The following RNF220 variants were observed in gnomAD, a reference collection of about 807,000 sequenced individuals.
RNF220 encodes the protein ring finger protein 220.
RNF220 carries 7 observed loss-of-function variants against 67.1 expected under a neutral mutation model. The observed-to-expected ratio is 0.10, with a 90% CI of 0.06 to 0.20. The LOEUF is 0.20. Ranked by LOEUF, RNF220 falls within the 10% of genes least tolerant of loss-of-function variation. RNF220 has a pLI of 1.00. For missense variants in RNF220, 565 were observed against 740.3 expected (o/e 0.76, Z 2.75); for synonymous variants, 270 against 283.2 (o/e 0.95, Z 0.47).
chr1:44,588,337 GC>G (rs1665856765), intron 2 of RNF220, among the ~76,000 whole-genome samples: 1 of 152,224 alleles, frequency 6.6e-6, no homozygotes, highest in African/African-American at 2.4e-5. Flanking sequence ...GCCAAGACAG[GC>G]CTGTCCTGCA....
At chr1:44,516,611 C>A (rs148852435) in intron 2 of RNF220, among the ~76,000 whole-genome samples, 45 of 151,694 alleles carry the variant, frequency 3.0e-4, no homozygotes, top group African/African-American at 1.0e-3. Context: ...GATCGAAGAA[C>A]CACCAAGAGA....
chr1:44,611,788 C>T (rs898811373), intron 2 of RNF220, among the ~76,000 whole-genome samples: 3 of 152,178 alleles, frequency 2.0e-5, no homozygotes, highest in African/African-American at 7.2e-5. Flanking sequence ...TATCTCTGAG[C>T]TCCAGTTTCT....
intron 2 of RNF220, among the ~76,000 whole-genome samples, chr1:44,603,384 C>T (rs1667064153): frequency 6.6e-6 from 1 of 152,226 alleles, no homozygotes; most frequent in African/African-American, 2.4e-5. Flanking sequence ...CCCCGGGCTA[C>T]GGTGGGCCAG....
chr1:44,494,892 C>T lies in RNF220; in HGVS notation c.625+82170C>T, dbSNP rs967204632. Among the ~76,000 whole-genome samples the T allele has an allele frequency of 3.3e-5, 5 of 152,228 alleles. 1 individual carries two copies. Among genetic ancestry groups the T allele is most frequent in the African/African-American group, 7.2e-5 (3 of 41,518 alleles). On this transcript the variant is annotated intron_variant, in intron 2 of 14. Transcript: ENST00000361799. ...ACTTCACAATGAAATTTCTAAGATG[C>T]GTGCCTGGGAGTAATGAATAGCACC...
rs115857065 is a variant in RNF220, at chr1:44,477,721, T to C, written c.625+64999T>C. ...TTAGGCTGAATAGACAGTAGCTACC[T>C]GGGGAGAGCTCTTCTCTCCAGGAGG... On this transcript the variant is annotated intron_variant, in intron 2 of 14. Transcript: ENST00000361799. Among the ~76,000 whole-genome samples the C allele has an allele frequency of 5.1e-3, 773 of 152,314 alleles. 11 individuals are homozygous for C. Among genetic ancestry groups the C allele is most frequent in the African/African-American group, 0.017 (727 of 41,574 alleles).
At chr1:44,627,760 G>C (rs1222951268) in intron 5 of RNF220, among the ~76,000 whole-genome samples, 1 of 152,234 alleles carries the variant, frequency 6.6e-6, no homozygotes, top group Non-Finnish European at 1.5e-5. Context: ...AGACAGGGCT[G>C]CAGGGACCTG....
intron 6 of RNF220, among the ~76,000 whole-genome samples, chr1:44,633,472 C>T (rs1330401833): frequency 2.0e-5 from 3 of 152,234 alleles, no homozygotes; most frequent in Non-Finnish European, 4.4e-5. Flanking sequence ...CCCTACCACA[C>T]TTTGGTAAGC....
intron 5 of RNF220, among the ~76,000 whole-genome samples, chr1:44,631,500 T>C (rs1443212969): frequency 2.0e-5 from 3 of 152,176 alleles, no homozygotes; most frequent in Non-Finnish European, 4.4e-5. Flanking sequence ...ATGTTGGCCA[T>C]GTTGGCCGTG....
chr1:44,550,905 T>C (rs1424427779), intron 2 of RNF220, among the ~76,000 whole-genome samples: 2 of 152,140 alleles, frequency 1.3e-5, no homozygotes, highest in African/African-American at 4.8e-5. Context: ...TCTGGTCTCC[T>C]AGTGTCACAT....
chr1:44,509,072 T>TA (rs1658705006), intron 2 of RNF220, among the ~76,000 whole-genome samples: 1 of 152,222 alleles, frequency 6.6e-6, no homozygotes, highest in Non-Finnish European at 1.5e-5. Context: ...GTAGGGTTTC[T>TA]TAATGAAATT....
intron 2 of RNF220, among the ~76,000 whole-genome samples, chr1:44,542,723 C>T (rs1558027022): frequency 6.6e-6 from 1 of 152,210 alleles, no homozygotes; most frequent in Non-Finnish European, 1.5e-5. Context: ...TGCCCCACCA[C>T]CTCTCATTTA....
intron 2 of RNF220, among the ~76,000 whole-genome samples, chr1:44,450,318 T>A (rs1008772762): frequency 7.9e-5 from 12 of 152,198 alleles, no homozygotes; most frequent in Non-Finnish European, 1.3e-4. Flanking sequence ...TGGGTTTTTT[T>A]AATTGGTTTT....
chr1:44,490,579 A>G (rs750134210), intron 2 of RNF220, among the ~76,000 whole-genome samples: 2 of 152,150 alleles, frequency 1.3e-5, no homozygotes, highest in Non-Finnish European at 2.9e-5. Context: ...AACTTATGAC[A>G]TACAGCTAAA....
At chr1:44,573,379 G>C (rs964893050) in intron 2 of RNF220, among the ~76,000 whole-genome samples, 3 of 152,198 alleles carry the variant, frequency 2.0e-5, no homozygotes, top group African/African-American at 7.2e-5. Context: ...GAGATGTCAG[G>C]ATCAGGACAG....
chr1:44,636,274 AC>A, intron 8 of RNF220, 112 bp downstream of exon 8: 1 of 1,415,336 alleles, frequency 7.1e-7, no homozygotes, highest in Non-Finnish European at 9.9e-7. Context: ...CATCCGTTCC[AC>A]CACGTGGGGA....
chr1:44,531,468 G>A (rs1413376647), intron 2 of RNF220, among the ~76,000 whole-genome samples: 3 of 152,194 alleles, frequency 2.0e-5, no homozygotes, highest in Admixed American at 2.0e-4. Flanking sequence ...TCTCTCTGAT[G>A]TGTGTCCAAA....
At chr1:44,635,690 C>T (rs1204689771) in intron 7 of RNF220, 102 bp downstream of exon 7, 1 of 1,581,630 alleles carries the variant, frequency 6.3e-7, no homozygotes. Flanking sequence ...CACCACCCAC[C>T]TTCCTTCCCC....
intron 2 of RNF220, among the ~76,000 whole-genome samples, chr1:44,602,427 G>A (rs1476118331): frequency 1.3e-5 from 2 of 152,182 alleles, no homozygotes; most frequent in Non-Finnish European, 2.9e-5. Context: ...AGGTTCCGGG[G>A]AAAGTGAGTA....
intron 2 of RNF220, among the ~76,000 whole-genome samples, chr1:44,604,185 TG>T (rs1375897826): frequency 6.6e-6 from 1 of 152,200 alleles, no homozygotes; most frequent in African/African-American, 2.4e-5. Context: ...CCACACCGTG[TG>T]AGCACTTGTG....
Sources: gnomAD v4.1 joint callset for allele counts (sites outside exome capture counted in the v4.1 genomes callset) on GRCh38, gnomAD v4.1.1 for gene constraint, MANE v1.5 for transcripts, NCBI Gene and HGNC (gene_info 2026-07-23, HGNC 2026-07-21) for gene names.